Variants in ASPRV1 observed in about 807,000 individuals in gnomAD.
The protein encoded by ASPRV1 is retroviral-like aspartic protease 1.
Under a neutral mutation model 11.0 loss-of-function variants are expected in ASPRV1, and 7 were observed. The observed-to-expected ratio is 0.64, with a 90% CI of 0.36 to 1.20. The LOEUF (loss-of-function observed/expected upper bound fraction) is 1.20, where lower values mean the gene tolerates loss of function less well. ASPRV1 is among the 50% of genes most tolerant of loss of function. The pLI is 0.02. For synonymous variants in ASPRV1, 136 were observed against 138.4 expected (o/e 0.98, Z 0.12); for missense variants, 299 against 320.0 (o/e 0.93, Z 0.50).
downstream of ASPRV1, among the ~76,000 whole-genome samples, chr2:69,955,298 C>T (rs1558579250): frequency 6.6e-6 from 1 of 152,360 alleles, no homozygotes; most frequent in Non-Finnish European, 1.5e-5. Context: ...CAGTCTATGA[C>T]TCCAGCTGCC....
the ASPRV1 span, among the ~76,000 whole-genome samples, chr2:70,035,564 G>A: frequency 1.3e-5 from 2 of 151,628 alleles, no homozygotes; most frequent in Admixed American, 6.6e-5. Flanking sequence ...GGTGCAAGAT[G>A]CCTTGCAGGA....
the ASPRV1 span, among the ~76,000 whole-genome samples, chr2:70,063,658 G>A: frequency 6.6e-6 from 1 of 152,170 alleles, no homozygotes; most frequent in South Asian, 2.1e-4. Flanking sequence ...TTTAGGTGGG[G>A]GAAAAGTTAA....
At chr2:69,958,562 C>A (rs768502486), downstream of ASPRV1, among the ~76,000 whole-genome samples, 5 of 151,992 alleles carry the variant, frequency 3.3e-5, no homozygotes, top group Non-Finnish European at 7.4e-5. Flanking sequence ...CCCTCCCCAG[C>A]TCCCCACCCA....
chr2:70,068,892 C>T, the ASPRV1 span, among the ~76,000 whole-genome samples: 3 of 132,150 alleles, frequency 2.3e-5, no homozygotes, highest in African/African-American at 8.8e-5. Flanking sequence ...TTGCAGTGAG[C>T]AGAGATTGTG....
chr2:70,078,849 C>T, the ASPRV1 span, among the ~76,000 whole-genome samples: 3 of 152,158 alleles, frequency 2.0e-5, no homozygotes, highest in Admixed American at 6.5e-5. Flanking sequence ...TTATTCTGGT[C>T]ACTGTTAAAA....
chr2:69,990,637 T>C, the ASPRV1 span, among the ~76,000 whole-genome samples: 1 of 152,132 alleles, frequency 6.6e-6, no homozygotes, highest in African/African-American at 2.4e-5. Flanking sequence ...AAATGTTTTG[T>C]GGAGATGAGG....
chr2:70,062,629 C>T, the ASPRV1 span, among the ~76,000 whole-genome samples: 1 of 152,120 alleles, frequency 6.6e-6, no homozygotes, highest in Non-Finnish European at 1.5e-5. Flanking sequence ...ATTAAGTAAT[C>T]TAGACAGAGC....
chr2:70,025,734 C>T, the ASPRV1 span, among the ~76,000 whole-genome samples: 1 of 152,348 alleles, frequency 6.6e-6, no homozygotes, highest in South Asian at 2.1e-4. Flanking sequence ...TGAACTCCAG[C>T]TTCTGCTGAC....
At chr2:69,966,165 C>T (rs768124317), upstream of ASPRV1, among the ~76,000 whole-genome samples, 5 of 152,242 alleles carry the variant, frequency 3.3e-5, no homozygotes, top group Admixed American at 6.5e-5. Context: ...CAGGACCAAC[C>T]AAGAGTTGGT....
At chr2:70,014,796 CAAA>C in the ASPRV1 span, among the ~76,000 whole-genome samples, 3 of 74,042 alleles carry the variant, frequency 4.1e-5, no homozygotes, top group Non-Finnish European at 8.2e-5. Context: ...GACCTTGTCT[CAAA>C]AAAAAAAAAA....
chr2:70,060,003 A>G, the ASPRV1 span: 1 of 152,212 alleles, frequency 6.6e-6, no homozygotes, highest in Non-Finnish European at 1.5e-5. Flanking sequence ...GACAGACGCT[A>G]CCATCTATCT....
At chr2:70,023,925 G>GA in the ASPRV1 span, among the ~76,000 whole-genome samples, 1 of 151,838 alleles carries the variant, frequency 6.6e-6, no homozygotes, top group Non-Finnish European at 1.5e-5. Flanking sequence ...GGTCCTCAAA[G>GA]AAAAGACAGA....
chr2:70,084,890 T>C, the ASPRV1 span, among the ~76,000 whole-genome samples: 73 of 152,330 alleles, frequency 4.8e-4, no homozygotes, highest in Middle Eastern at 3.4e-3. Context: ...CGTAGAGTTA[T>C]ATAAACTAAC....
the ASPRV1 span, among the ~76,000 whole-genome samples, chr2:70,060,518 A>G: frequency 1.3e-5 from 2 of 152,192 alleles, no homozygotes; most frequent in African/African-American, 4.8e-5. Context: ...AAAGGGCAAG[A>G]GTTGGGCATA....
the ASPRV1 span, among the ~76,000 whole-genome samples, chr2:70,021,300 G>C: frequency 6.6e-6 from 1 of 150,826 alleles, no homozygotes; most frequent in Non-Finnish European, 1.5e-5. Flanking sequence ...CCATTGTTCT[G>C]TACGCAAGAT....
chr2:70,018,848 T>G, the ASPRV1 span: 12 of 152,296 alleles, frequency 7.9e-5, no homozygotes, highest in Non-Finnish European at 5.9e-5. Context: ...AAAAGCTTCA[T>G]GACATTGGTC....
chr2:69,933,584 G>A, the ASPRV1 span, among the ~76,000 whole-genome samples: 2 of 152,284 alleles, frequency 1.3e-5, no homozygotes, highest in South Asian at 4.2e-4. Context: ...CCAAGCCTTA[G>A]AGCACCCTTG....
chr2:70,041,678 T>A, the ASPRV1 span, among the ~76,000 whole-genome samples: 1 of 152,136 alleles, frequency 6.6e-6, no homozygotes, highest in South Asian at 2.1e-4. Context: ...GAAGGAAGGG[T>A]GCTCAGGAGC....
At chr2:69,980,743 AC>A in the ASPRV1 span, among the ~76,000 whole-genome samples, 1 of 151,412 alleles carries the variant, frequency 6.6e-6, no homozygotes, top group Non-Finnish European at 1.5e-5. Flanking sequence ...TATCTTTTCA[AC>A]TTTCTATAAA....
Sources: allele counts gnomAD v4.1 joint callset (sites outside exome capture counted in the v4.1 genomes callset), GRCh38; gene constraint gnomAD v4.1.1; transcripts MANE v1.5; gene names NCBI Gene and HGNC (gene_info 2026-07-23, HGNC 2026-07-21).